GRM7: variants seen among roughly 807,000 people sequenced by gnomAD.
The protein encoded by GRM7 is metabotropic glutamate receptor 7.
GRM7 carries 35 observed loss-of-function variants against 84.5 expected under a neutral mutation model. The observed-to-expected ratio is 0.41, with a 90% confidence interval of 0.32 to 0.55. The LOEUF is 0.55. Ranked by LOEUF, GRM7 falls within the 20% of genes least tolerant of loss-of-function variation. The probability of loss-of-function intolerance (pLI) is 0.19; values close to 1 mark genes in which losing one functional copy is unlikely to be tolerated. For missense variants in GRM7, 1,003 were observed against 1,194.6 expected (o/e 0.84, Z 2.36); for synonymous variants, 487 against 455.1 (o/e 1.07, Z -0.89).
chr3:7,024,999 C>A (rs1269900702), intron 1 of GRM7, among the ~76,000 whole-genome samples: 1 of 152,156 alleles, frequency 6.6e-6, no homozygotes, highest in East Asian at 1.9e-4. Flanking sequence ...CCAATCTGGA[C>A]ACTCTAGAGG....
chr3:7,287,148 A>T (rs1321419912), intron 2 of GRM7, among the ~76,000 whole-genome samples: 4 of 152,166 alleles, frequency 2.6e-5, no homozygotes, highest in African/African-American at 7.2e-5. Context: ...GTAAGCTCAC[A>T]TCTATTTTGC....
intron 4 of GRM7, among the ~76,000 whole-genome samples, chr3:7,332,796 G>A (rs373183612): frequency 1.3e-5 from 2 of 152,082 alleles, no homozygotes; most frequent in East Asian, 1.9e-4. Context: ...GAAAAACTTG[G>A]CCTCAGCAAG....
At chr3:7,602,581 T>C (rs1307165550) in intron 8 of GRM7, among the ~76,000 whole-genome samples, 2 of 152,188 alleles carry the variant, frequency 1.3e-5, no homozygotes, top group Non-Finnish European at 2.9e-5. Context: ...GCTTTCAGCA[T>C]CAGCGACTAC....
chr3:7,727,179 C>T (rs1702159873), intron 9 of GRM7, among the ~76,000 whole-genome samples: 1 of 152,060 alleles, frequency 6.6e-6, no homozygotes. Context: ...TCACCTTTGA[C>T]AGGTTTAAAA....
intron 2 of GRM7, among the ~76,000 whole-genome samples, chr3:7,262,402 T>C (rs560807716): frequency 6.6e-6 from 1 of 152,304 alleles, no homozygotes; most frequent in East Asian, 1.9e-4. Flanking sequence ...TTGTTAATAC[T>C]TGTGATTGCA....
chr3:7,004,370 TTTATATA>T (rs1292792150), intron 1 of GRM7, among the ~76,000 whole-genome samples: 1 of 152,160 alleles, frequency 6.6e-6, no homozygotes, highest in African/African-American at 2.4e-5. Context: ...AACAATCTTT[TTTATATA>T]TTATATAACT....
At chr3:7,596,984 C>T (rs1489188457) in intron 8 of GRM7, among the ~76,000 whole-genome samples, 3 of 152,040 alleles carry the variant, frequency 2.0e-5, no homozygotes, top group South Asian at 2.1e-4. Flanking sequence ...GTGATGTGCT[C>T]GTTGTTTGTT....
chr3:7,623,446 C>A (rs1350886728), intron 8 of GRM7, among the ~76,000 whole-genome samples: 1 of 152,126 alleles, frequency 6.6e-6, no homozygotes, highest in East Asian at 1.9e-4. Flanking sequence ...GTCTTAGAAT[C>A]CCTCTAGCAA....
intron 7 of GRM7, among the ~76,000 whole-genome samples, chr3:7,499,450 G>C (rs1699812902): frequency 6.6e-6 from 1 of 152,160 alleles, no homozygotes. Context: ...CCCTGATAGA[G>C]TAACTTCATT....
At chr3:6,982,107 A>G (rs901708467) in intron 1 of GRM7, among the ~76,000 whole-genome samples, 1 of 152,184 alleles carries the variant, frequency 6.6e-6, no homozygotes, top group Non-Finnish European at 1.5e-5. Flanking sequence ...AGGGAATACT[A>G]CACAGCCATA....
intron 1 of GRM7, among the ~76,000 whole-genome samples, chr3:7,088,519 C>T (rs997622314): frequency 6.7e-6 from 1 of 149,032 alleles, no homozygotes; most frequent in Non-Finnish European, 1.5e-5. Context: ...ATTTGCAGTG[C>T]CAGGGATGAG....
At chr3:6,946,982 A>G (rs9832162) in intron 1 of GRM7, among the ~76,000 whole-genome samples, 3,055 of 152,274 alleles carry the variant, frequency 0.02, 108 homozygotes, top group African/African-American at 0.07. Context: ...TAGATATACA[A>G]TCATGTCATC....
intron 8 of GRM7, among the ~76,000 whole-genome samples, chr3:7,656,692 C>G (rs1025737230): frequency 1.3e-5 from 2 of 151,750 alleles, no homozygotes; most frequent in African/African-American, 4.8e-5. Flanking sequence ...TCAAGATACT[C>G]GATGGCCCCA....
intron 4 of GRM7, among the ~76,000 whole-genome samples, chr3:7,361,795 C>T (rs1470615754): frequency 6.6e-6 from 1 of 152,102 alleles, no homozygotes; most frequent in African/African-American, 2.4e-5. Context: ...GTATTTTCTT[C>T]TGGCTGCTGA....
At chr3:7,719,779 AACACACAC>A (rs71043692) in intron 9 of GRM7, among the ~76,000 whole-genome samples, 49,088 of 133,384 alleles carry the variant, frequency 0.37, 8,838 homozygotes, top group East Asian at 0.51. Flanking sequence ...ACCACTGGGC[AACACACAC>A]ACACACACAC....
intron 8 of GRM7, among the ~76,000 whole-genome samples, chr3:7,628,538 A>AT (rs1330395359): frequency 1.3e-5 from 2 of 152,208 alleles, no homozygotes; most frequent in Non-Finnish European, 2.9e-5. Flanking sequence ...TCTATATTAT[A>AT]TTGCCAACAT....
At chr3:7,599,538 G>T (rs1445197645) in intron 8 of GRM7, among the ~76,000 whole-genome samples, 1 of 152,072 alleles carries the variant, frequency 6.6e-6, no homozygotes, top group East Asian at 1.9e-4. Context: ...TTTGTCTCCG[G>T]TCTTATATCC....
chr3:7,273,155 C>T (rs1225326729), intron 2 of GRM7, among the ~76,000 whole-genome samples: 1 of 151,828 alleles, frequency 6.6e-6, no homozygotes, highest in Non-Finnish European at 1.5e-5. Context: ...TGGTATTTTC[C>T]AGCTATTTTT....
At chr3:7,654,596 G>C (rs1356207761) in intron 8 of GRM7, among the ~76,000 whole-genome samples, 1 of 152,174 alleles carries the variant, frequency 6.6e-6, no homozygotes, top group Admixed American at 6.5e-5. Context: ...CATAGGCTTT[G>C]GAACTAGGAA....
Sources: gnomAD v4.1 joint callset for allele counts (sites outside exome capture counted in the v4.1 genomes callset) on GRCh38, gnomAD v4.1.1 for gene constraint, MANE v1.5 for transcripts, NCBI Gene and HGNC (gene_info 2026-07-23, HGNC 2026-07-21) for gene names.